Variants in SORCS1 observed in about 807,000 individuals in gnomAD.
SORCS1 encodes the protein sortilin related VPS10 domain containing receptor 1.
In SORCS1, 60 loss-of-function variants were observed where a neutral mutation model predicts 146.1. The ratio of observed to expected loss-of-function variants is 0.41; its 90% CI spans 0.33 to 0.51. The LOEUF (loss-of-function observed/expected upper bound fraction) is 0.51. Ranked by LOEUF, SORCS1 falls within the 20% of genes least tolerant of loss-of-function variation. SORCS1 has a pLI of 0.21. For missense variants in SORCS1, 1,352 were observed against 1,487.6 expected (o/e 0.91, Z 1.50); for synonymous variants, 637 against 584.0 (o/e 1.09, Z -1.31).
At chr10:106,971,789 A>G (rs1955798258) in intron 1 of SORCS1, among the ~76,000 whole-genome samples, 1 of 152,202 alleles carries the variant, frequency 6.6e-6, no homozygotes, top group East Asian at 1.9e-4. Flanking sequence ...AGTTTCTTCT[A>G]TCTAGGAAAA....
intron 1 of SORCS1, among the ~76,000 whole-genome samples, chr10:107,144,607 C>T (rs1174702624): frequency 6.6e-6 from 1 of 152,216 alleles, no homozygotes; most frequent in African/African-American, 2.4e-5. Flanking sequence ...GCTAGCTGGC[C>T]TCTGCCAAAC....
At chr10:107,039,244 C>T (rs984959795) in intron 1 of SORCS1, among the ~76,000 whole-genome samples, 6 of 148,528 alleles carry the variant, frequency 4.0e-5, no homozygotes, top group East Asian at 2.1e-4. Flanking sequence ...AGGAAAATGG[C>T]GTGAACCCGG....
intron 5 of SORCS1, among the ~76,000 whole-genome samples, chr10:106,737,169 A>G (rs1309422867): frequency 2.6e-5 from 4 of 152,152 alleles, no homozygotes; most frequent in Non-Finnish European, 4.4e-5. Context: ...GAAGATGTTT[A>G]TTGAGCAAAG....
intron 1 of SORCS1, among the ~76,000 whole-genome samples, chr10:107,066,530 C>T (rs1016807612): frequency 4.7e-5 from 7 of 149,010 alleles, no homozygotes; most frequent in African/African-American, 7.3e-5. Context: ...GCTCTACAAA[C>T]GAGTCTATTG....
At chr10:106,943,788 C>T (rs1182673850) in intron 2 of SORCS1, among the ~76,000 whole-genome samples, 1 of 152,068 alleles carries the variant, frequency 6.6e-6, no homozygotes, top group East Asian at 1.9e-4. Context: ...CCAGCCTAGG[C>T]AACAGAGTGA....
intron 2 of SORCS1, among the ~76,000 whole-genome samples, chr10:106,858,607 C>CAAA (rs71482495): frequency 0.33 from 26,824 of 80,676 alleles, 4,140 homozygotes; most frequent in Non-Finnish European, 0.41. Context: ...GCCTCTGTCT[C>CAAA]AAAAAAAAAA....
chr10:106,808,341 T>A (rs1056139965), intron 3 of SORCS1, among the ~76,000 whole-genome samples: 1 of 152,120 alleles, frequency 6.6e-6, no homozygotes, highest in Non-Finnish European at 1.5e-5. Flanking sequence ...AAATATTAAA[T>A]TCAGCTCAAT....
At chr10:106,735,405 C>T (rs1339846361) in intron 5 of SORCS1, among the ~76,000 whole-genome samples, 1 of 152,104 alleles carries the variant, frequency 6.6e-6, no homozygotes, top group Non-Finnish European at 1.5e-5. Flanking sequence ...GGCAGTAACC[C>T]AATGAAGAAA....
At chr10:107,136,625 A>G (rs563978641) in intron 1 of SORCS1, among the ~76,000 whole-genome samples, 1 of 152,292 alleles carries the variant, frequency 6.6e-6, no homozygotes, top group East Asian at 1.9e-4. Context: ...GGTACAGCAG[A>G]TGCTGTTTTA....
chr10:106,934,170 G>GA (rs1209679505), intron 2 of SORCS1, among the ~76,000 whole-genome samples: 3 of 151,904 alleles, frequency 2.0e-5, no homozygotes, highest in Admixed American at 6.6e-5. Context: ...TGGATGTGGT[G>GA]AAAAGGAAAC....
chr10:106,989,489 T>C (rs1403265083), intron 1 of SORCS1, among the ~76,000 whole-genome samples: 2 of 151,914 alleles, frequency 1.3e-5, no homozygotes, highest in African/African-American at 2.4e-5. Context: ...CTTTTGACAC[T>C]TTAAGGTCCA....
intron 1 of SORCS1, among the ~76,000 whole-genome samples, chr10:106,961,214 G>A (rs10786999): frequency 0.74 from 112,394 of 152,154 alleles, 41,777 homozygotes; most frequent in African/African-American, 0.82. Context: ...ACAGGTATGC[G>A]TTGAAATGAA....
upstream of SORCS1, among the ~76,000 whole-genome samples, chr10:107,165,292 AGT>A (rs3982278): frequency 2.7e-3 from 384 of 142,740 alleles, 1 homozygote; most frequent in South Asian, 7.9e-3. This position sits in a 1 kb window ranked among gnomAD's most constrained non-coding sequence, Gnocchi z 4.0. Context: ...CTCGTGTGTG[AGT>A]GTGTGTGTGT....
chr10:106,850,307 G>C (rs919842873), intron 2 of SORCS1, among the ~76,000 whole-genome samples: 3 of 152,052 alleles, frequency 2.0e-5, no homozygotes, highest in Non-Finnish European at 4.4e-5. Context: ...GTTTTAAGCC[G>C]GTCTGAAAAG....
chr10:106,828,232 A>C (rs774620615), intron 3 of SORCS1, among the ~76,000 whole-genome samples: 1 of 152,192 alleles, frequency 6.6e-6, no homozygotes, highest in Non-Finnish European at 1.5e-5. Flanking sequence ...TCCAGAGTCT[A>C]TGCTCAACTG....
chr10:106,805,684 T>G (rs1947126340), intron 3 of SORCS1, among the ~76,000 whole-genome samples: 1 of 152,190 alleles, frequency 6.6e-6, no homozygotes, highest in Admixed American at 6.5e-5. Context: ...TTTATTTGCC[T>G]ATATGGTATC....
At chr10:106,681,063 G>T (rs1023091903) in intron 10 of SORCS1, among the ~76,000 whole-genome samples, 3 of 152,130 alleles carry the variant, frequency 2.0e-5, no homozygotes, top group Non-Finnish European at 4.4e-5. Context: ...TTCAAAAAAA[G>T]GAGTTTTGAC....
intron 1 of SORCS1, among the ~76,000 whole-genome samples, chr10:107,076,972 C>T (rs141592859): frequency 8.5e-5 from 13 of 152,264 alleles, no homozygotes; most frequent in African/African-American, 1.4e-4. Context: ...GATATGCACA[C>T]TTTACCTGTT....
intron 12 of SORCS1, among the ~76,000 whole-genome samples, chr10:106,678,013 G>A (rs1040885692): frequency 1.6e-4 from 24 of 152,206 alleles, no homozygotes; most frequent in African/African-American, 5.5e-4. Flanking sequence ...GTGTCATTTG[G>A]TCTTTCTCCA....
Sources: gnomAD v4.1 joint callset for allele counts (sites outside exome capture counted in the v4.1 genomes callset) on GRCh38, gnomAD v4.1.1 for gene constraint, Gnocchi (gnomAD v3.1) non-coding constraint, MANE v1.5 for transcripts, NCBI Gene and HGNC (gene_info 2026-07-23, HGNC 2026-07-21) for gene names.